The following CHD1 variants were observed in gnomAD, a reference collection of about 807,000 sequenced individuals.
CHD1 encodes chromodomain helicase DNA binding protein 1, also known as ATP-dependent chromatin remodeler CHD1.
CHD1 carries 36 observed loss-of-function variants against 224.2 expected under a neutral mutation model. The ratio of observed to expected loss-of-function variants is 0.16; its 90% confidence interval spans 0.12 to 0.21. The LOEUF (loss-of-function observed/expected upper bound fraction) is 0.21. Among genes scored for constraint, CHD1 ranks in the 10% least tolerant of loss-of-function variants. The pLI, the probability that CHD1 is intolerant of heterozygous loss-of-function variation, is 1.00. For missense variants in CHD1, 1,378 were observed against 1,994.8 expected (o/e 0.69, Z 5.89); for synonymous variants, 668 against 658.3 (o/e 1.01, Z -0.23).
chr5:98,927,522 T>C (rs1324372404), intron 1 of CHD1, among the ~76,000 whole-genome samples: 1 of 152,224 alleles, frequency 6.6e-6, no homozygotes, highest in Non-Finnish European at 1.5e-5. Flanking sequence ...TAGCAAAGTC[T>C]GCATCTGGAT....
chr5:98,897,423 T>A (rs985513449), intron 10 of CHD1, 103 bp from the exon 11 acceptor site: 60 of 804,392 alleles, frequency 7.5e-5, no homozygotes, highest in Non-Finnish European at 1.1e-4. Context: ...ATTTCATCTC[T>A]AATCATCAAG....
intron 2 of CHD1, among the ~76,000 whole-genome samples, chr5:98,911,051 C>G (rs1363472104): frequency 2.0e-5 from 3 of 148,384 alleles, no homozygotes; most frequent in South Asian, 4.3e-4. Flanking sequence ...TAAACTACAG[C>G]TCCTTTGAGA....
intron 2 of CHD1, among the ~76,000 whole-genome samples, chr5:98,915,399 A>T (rs1324426582): frequency 6.6e-6 from 1 of 151,910 alleles, no homozygotes; most frequent in Admixed American, 6.5e-5. Context: ...AAAAGTGGAG[A>T]GATACTAGGA....
At chr5:98,917,310 A>AAAAAAAAAAAAAAC (rs2112623266) in intron 2 of CHD1, among the ~76,000 whole-genome samples, 1 of 151,358 alleles carries the variant, frequency 6.6e-6, no homozygotes, top group South Asian at 2.1e-4. Flanking sequence ...AAAAAAAAAA[A>AAAAAAAAAAAAAAC]ACAACCTCTT....
intron 7 of CHD1, among the ~76,000 whole-genome samples, chr5:98,899,971 T>C (rs1052103830): frequency 6.6e-6 from 1 of 152,120 alleles, no homozygotes; most frequent in South Asian, 2.1e-4. Flanking sequence ...TCTATAATTA[T>C]CCACAATATA....
intron 31 of CHD1, among the ~76,000 whole-genome samples, chr5:98,864,517 C>CAA (rs67061692): frequency 0.045 from 2,630 of 58,034 alleles, 195 homozygotes; most frequent in African/African-American, 0.11. Context: ...GATTCTATAC[C>CAA]AAAAAAAAAA....
chr5:98,895,026 G>C (rs1580452637), intron 12 of CHD1, among the ~76,000 whole-genome samples: 1 of 152,060 alleles, frequency 6.6e-6, no homozygotes, highest in East Asian at 1.9e-4. Flanking sequence ...TCTCCATGTT[G>C]GTCAGACTGG....
intron 35 of CHD1, among the ~76,000 whole-genome samples, chr5:98,857,769 A>G (rs1043344337): frequency 6.6e-6 from 1 of 152,070 alleles, no homozygotes; most frequent in Non-Finnish European, 1.5e-5. Context: ...AGATGTGTTC[A>G]CATATATTAA....
intron 17 of CHD1, among the ~76,000 whole-genome samples, chr5:98,887,264 T>C (rs1750713531): frequency 6.6e-6 from 1 of 152,180 alleles, no homozygotes. Context: ...CAAATACCTG[T>C]CCTTCTTCAC....
At chr5:98,893,255 T>C (rs2545733) in intron 14 of CHD1, among the ~76,000 whole-genome samples, 161 bp downstream of exon 14, 20,814 of 152,218 alleles carry the variant, frequency 0.14, 1,788 homozygotes, top group Middle Eastern at 0.27. Context: ...TCAAATAGTA[T>C]TACAAACTAC....
At chr5:98,912,128 TTTTC>T (rs1561541037) in intron 2 of CHD1, among the ~76,000 whole-genome samples, 2 of 152,138 alleles carry the variant, frequency 1.3e-5, no homozygotes, top group African/African-American at 2.4e-5. Context: ...ATATCACAAG[TTTTC>T]TTTATTAACA....
Position 98,905,297 on chromosome 5 carries a change from GATT to G in CHD1, c.54-202_54-200del, listed in dbSNP as rs201277196. ...GTTGATAATTTATTTATACGTGATA[GATT>G]ATTACATACTTGATAGATTTATGAC... is the stretch of plus-strand genomic sequence containing the variant. On this transcript the variant is annotated intron_variant, in intron 2 of 35. Transcript: ENST00000614616. 5.8e-3 allele frequency among the ~76,000 whole-genome samples: 879 copies of G among 152,206 alleles called. 8 individuals are homozygous for G. Among genetic ancestry groups the G allele is most frequent in the South Asian group, 0.012 (56 of 4,816 alleles).
chr5:98,887,322 T>G (rs571948614), intron 17 of CHD1, among the ~76,000 whole-genome samples: 5 of 152,278 alleles, frequency 3.3e-5, no homozygotes, highest in African/African-American at 1.2e-4. Context: ...ATCACCTGCT[T>G]GATGTCTGTC....
chr5:98,920,721 C>A (rs1490638183), intron 2 of CHD1, among the ~76,000 whole-genome samples: 1 of 151,278 alleles, frequency 6.6e-6, no homozygotes, highest in Non-Finnish European at 1.5e-5. Context: ...CGTTTGAACC[C>A]AGGAGGCGGA....
intron 5 of CHD1, among the ~76,000 whole-genome samples, chr5:98,902,536 G>A (rs1751786718): frequency 6.6e-6 from 1 of 151,970 alleles, no homozygotes; most frequent in Non-Finnish European, 1.5e-5. Context: ...TGAATAGTAA[G>A]GATAGCTATT....
At position 98,893,520 on chromosome 5, in the gene CHD1, A is replaced by C. The variant is rs991212876; in HGVS notation, c.1887T>G (p.Thr629=). The C allele has an allele frequency of 1.3e-5, 21 of 1,611,566 alleles. No homozygotes were observed. Among genetic ancestry groups the C allele is most frequent in the Non-Finnish European group, 1.7e-5 (20 of 1,178,510 alleles). ...LKNDDSLLYK[T]LIDFKSNHRL... ...GATGATTGGATTTAAAATCTATTAA[A>C]GTTTTATACAGAAGGGAGTCATCAT... The change falls in exon 14 of 36, where the codon ACT becomes ACG. Residue 629 remains threonine, a synonymous_variant. Transcript: ENST00000614616.
chr5:98,892,673 C>T lies in CHD1; in HGVS notation c.2032G>A (p.Gly678Arg). The change falls in exon 15 of 36, where the codon GGG (glycine) becomes AGG (arginine). Residue 678 changes from glycine (G) to arginine (R), a missense_variant. By Grantham distance (125) the Gly-to-Arg change is moderately radical (BLOSUM62 -2). This residue lies in a region of CHD1 where 37 missense variants were observed against 118.9 expected (regional missense o/e 0.31). Coordinates refer to ENST00000614616, the MANE Select transcript of CHD1 (RefSeq NM_001270.4). ...AGGCTTGCATAACCATATTCTCTCC[C>T]TTTGCCATGTTCTTCTTCAAAATCT... ...WEDFEEEHGK[G>R]REYGYASLHK... The T allele has an allele frequency of 6.2e-7, 1 of 1,608,574 alleles. No individual in the cohort carries two copies. Among genetic ancestry groups the T allele is most frequent in the Non-Finnish European group, 8.5e-7 (1 of 1,176,808 alleles).
chr5:98,917,934 G>C (rs867680888), intron 2 of CHD1, among the ~76,000 whole-genome samples: 2 of 152,092 alleles, frequency 1.3e-5, no homozygotes, highest in African/African-American at 4.8e-5. Context: ...AAGATTCCTG[G>C]AATCTCTCCC....
At chr5:98,910,065 T>C (rs937672453) in intron 2 of CHD1, among the ~76,000 whole-genome samples, 1 of 152,180 alleles carries the variant, frequency 6.6e-6, no homozygotes, top group African/African-American at 2.4e-5. Context: ...AAGTACTAGG[T>C]GAACCTATTA....
Sources: allele counts gnomAD v4.1 joint callset (sites outside exome capture counted in the v4.1 genomes callset), GRCh38; gene constraint gnomAD v4.1.1; regional missense constraint gnomAD v4.1.1; transcripts MANE v1.5; gene names NCBI Gene and HGNC (gene_info 2026-07-23, HGNC 2026-07-21).